RAB38: variants seen among roughly 807,000 people sequenced by gnomAD.
RAB38 encodes ras-related protein Rab-38.
Under a neutral mutation model 18.4 loss-of-function variants are expected in RAB38, and 15 were observed. That is an observed-to-expected ratio of 0.82 (90% CI 0.55 to 1.26). The LOEUF is 1.26. Among genes scored for constraint, RAB38 ranks in the 50% most tolerant of loss-of-function variants. The pLI, the probability that RAB38 is intolerant of heterozygous loss-of-function variation, is 0.00. For missense variants in RAB38, 294 were observed against 267.4 expected (o/e 1.10, Z -0.69); for synonymous variants, 101 against 104.4 (o/e 0.97, Z 0.20).
chr11:87,911,010 G>T, the RAB38 span, among the ~76,000 whole-genome samples: 2 of 151,904 alleles, frequency 1.3e-5, no homozygotes, highest in African/African-American at 4.8e-5. Context: ...GTGGATATCT[G>T]TTTCAGTATT....
chr11:88,042,391 T>A, the RAB38 span, among the ~76,000 whole-genome samples: 5 of 152,322 alleles, frequency 3.3e-5, no homozygotes, highest in South Asian at 1.0e-3. Flanking sequence ...GGCAGCATCC[T>A]GAGGTAATTC....
intron 1 of RAB38, chr11:88,166,972 C>T (rs966626412): frequency 5.9e-5 from 9 of 152,124 alleles, no homozygotes; most frequent in African/African-American, 1.9e-4. Context: ...ACAAATACTA[C>T]TTGAGTTCCT....
chr11:88,140,258 A>G (rs970990919), intron 2 of RAB38, among the ~76,000 whole-genome samples: 11 of 152,222 alleles, frequency 7.2e-5, no homozygotes, highest in Non-Finnish European at 1.0e-4. Context: ...CAGTTTCTAA[A>G]GAGCTTTCTG....
chr11:87,871,476 T>C, the RAB38 span, among the ~76,000 whole-genome samples: 5 of 151,814 alleles, frequency 3.3e-5, no homozygotes, highest in African/African-American at 1.2e-4. Context: ...CACACAGTCA[T>C]ATACCTATGT....
the RAB38 span, among the ~76,000 whole-genome samples, chr11:87,947,089 G>C: frequency 3.3e-5 from 5 of 152,102 alleles, no homozygotes; most frequent in Admixed American, 3.3e-4. Flanking sequence ...CATTCTAACT[G>C]GTGTGAGATG....
chr11:87,931,598 T>G, the RAB38 span, among the ~76,000 whole-genome samples: 1 of 152,112 alleles, frequency 6.6e-6, no homozygotes, highest in Non-Finnish European at 1.5e-5. Context: ...CCAGGCACAC[T>G]GGCATTCAAA....
chr11:88,136,091 C>A (rs1942831214), intron 2 of RAB38, among the ~76,000 whole-genome samples: 1 of 152,212 alleles, frequency 6.6e-6, no homozygotes, highest in South Asian at 2.1e-4. Flanking sequence ...GGCTTTTCTA[C>A]ATTATCCCTA....
the RAB38 span, among the ~76,000 whole-genome samples, chr11:87,908,258 G>A: frequency 6.6e-6 from 1 of 151,862 alleles, no homozygotes; most frequent in South Asian, 2.1e-4. Context: ...AGACCTACAA[G>A]CCTAGAGCTT....
At chr11:87,973,221 C>T in the RAB38 span, among the ~76,000 whole-genome samples, 1 of 151,994 alleles carries the variant, frequency 6.6e-6, no homozygotes, top group Non-Finnish European at 1.5e-5. Flanking sequence ...AGCAAATGAT[C>T]ATTTATACCT....
the RAB38 span, among the ~76,000 whole-genome samples, chr11:87,914,879 T>C: frequency 6.6e-6 from 1 of 152,160 alleles, no homozygotes; most frequent in East Asian, 1.9e-4. Context: ...TTTGGAGCAG[T>C]CAGGTGGTAA....
At chr11:87,961,757 A>G in the RAB38 span, among the ~76,000 whole-genome samples, 1 of 152,186 alleles carries the variant, frequency 6.6e-6, no homozygotes, top group Non-Finnish European at 1.5e-5. Context: ...GGGTAGCCAC[A>G]GACCAAATAC....
chr11:88,047,445 A>G, the RAB38 span, among the ~76,000 whole-genome samples: 6 of 152,130 alleles, frequency 3.9e-5, no homozygotes, highest in African/African-American at 1.4e-4. Context: ...TTCCACATCT[A>G]TCATTGAAGC....
the RAB38 span, among the ~76,000 whole-genome samples, chr11:87,944,605 T>C: frequency 6.6e-6 from 1 of 152,166 alleles, no homozygotes; most frequent in African/African-American, 2.4e-5. Flanking sequence ...TCCAGACCAC[T>C]CTTGGGCCTT....
At chr11:88,092,032 G>C in the RAB38 span, among the ~76,000 whole-genome samples, 8 of 151,800 alleles carry the variant, frequency 5.3e-5, no homozygotes. Flanking sequence ...CCAAGTCATT[G>C]TCATGACATT....
the RAB38 span, among the ~76,000 whole-genome samples, chr11:88,024,905 G>A: frequency 5.8e-5 from 7 of 120,064 alleles, no homozygotes; most frequent in Non-Finnish European, 1.2e-4. Context: ...TGATTAATGG[G>A]CACAAAAAAA....
chr11:88,105,944 T>C, the RAB38 span, among the ~76,000 whole-genome samples: 2 of 152,178 alleles, frequency 1.3e-5, no homozygotes, highest in Non-Finnish European at 2.9e-5. Flanking sequence ...ACATTATGTT[T>C]TGAAAAGATA....
the RAB38 span, among the ~76,000 whole-genome samples, chr11:88,027,243 T>C: frequency 2.6e-5 from 4 of 152,106 alleles, no homozygotes; most frequent in Non-Finnish European, 5.9e-5. Flanking sequence ...GATAACGATC[T>C]CAAAATGGCT....
At chr11:87,923,179 TG>T in the RAB38 span, among the ~76,000 whole-genome samples, 2 of 152,060 alleles carry the variant, frequency 1.3e-5, no homozygotes, top group South Asian at 2.1e-4. Flanking sequence ...GGTCCTGCGT[TG>T]GGGTGGTTGA....
the RAB38 span, among the ~76,000 whole-genome samples, chr11:87,903,643 T>C: frequency 2.0e-5 from 3 of 151,494 alleles, no homozygotes; most frequent in African/African-American, 7.3e-5. Flanking sequence ...TTTTATTTCT[T>C]TCTTAATTGT....
Sources: allele counts gnomAD v4.1 joint callset (sites outside exome capture counted in the v4.1 genomes callset), GRCh38; gene constraint gnomAD v4.1.1; transcripts MANE v1.5; gene names NCBI Gene and HGNC (gene_info 2026-07-23, HGNC 2026-07-21).